The following PDIA5 variants were observed in gnomAD, a reference collection of about 807,000 sequenced individuals.
The protein encoded by PDIA5 is protein disulfide-isomerase A5.
Under a neutral mutation model 77.6 loss-of-function variants are expected in PDIA5, and 58 were observed. That is an observed-to-expected ratio of 0.75 (90% CI 0.61 to 0.93). The LOEUF (loss-of-function observed/expected upper bound fraction) is 0.93, where lower values mean the gene tolerates loss of function less well. PDIA5 is among the 40% of genes least tolerant of loss of function. The pLI, the probability that PDIA5 is intolerant of heterozygous loss-of-function variation, is 0.00. For synonymous variants in PDIA5, 250 were observed against 252.1 expected (o/e 0.99, Z 0.08); for missense variants, 630 against 647.7 (o/e 0.97, Z 0.30).
chr3:123,084,683 T>G (rs1934089652), intron 1 of PDIA5, among the ~76,000 whole-genome samples: 1 of 152,236 alleles, frequency 6.6e-6, no homozygotes, highest in South Asian at 2.1e-4. Flanking sequence ...CTTCCACCTT[T>G]GGCTGTTGTT....
chr3:123,161,264 G>C, intron 15 of PDIA5, 57 bp from the exon 16 acceptor site: 2 of 1,561,158 alleles, frequency 1.3e-6, no homozygotes, highest in South Asian at 1.2e-5. Context: ...TGTGTTGTGG[G>C]GTCCAGGCCT....
At chr3:123,146,331 G>A (rs1935772740) in intron 13 of PDIA5, 72 bp downstream of exon 13, 1 of 1,296,822 alleles carries the variant, frequency 7.7e-7, no homozygotes, top group Middle Eastern at 1.9e-4. Context: ...TTGAGGAGGT[G>A]AAGTAAACTT....
intron 8 of PDIA5, among the ~76,000 whole-genome samples, chr3:123,123,055 G>A (rs549238065): frequency 6.6e-6 from 1 of 152,252 alleles, no homozygotes; most frequent in South Asian, 2.1e-4. Flanking sequence ...TGGGAGGATC[G>A]CTTGAGCCCA....
intron 6 of PDIA5, 132 bp downstream of exon 6, chr3:123,106,973 C>T (rs1171098997): frequency 1.5e-6 from 1 of 679,816 alleles, no homozygotes; most frequent in African/African-American, 1.8e-5. Context: ...TCTAGGGAAG[C>T]TAGGCCAGGA....
At chr3:123,093,757 G>T (rs955977403) in intron 3 of PDIA5, among the ~76,000 whole-genome samples, 3 of 152,196 alleles carry the variant, frequency 2.0e-5, no homozygotes, top group Non-Finnish European at 4.4e-5. Context: ...CAGACTATAT[G>T]CATGGAGGGA....
At chr3:123,134,235 G>T (rs1178076624) in intron 11 of PDIA5, among the ~76,000 whole-genome samples, 3 of 152,116 alleles carry the variant, frequency 2.0e-5, no homozygotes, top group Non-Finnish European at 2.9e-5. Context: ...TGTTGCCCAG[G>T]CTGGTCTGCT....
chr3:123,146,179 G>C lies in PDIA5; in HGVS notation c.1062G>C (p.Thr354=). 1 of 1,614,002 alleles carries C rather than the reference G, an allele frequency of 6.2e-7. No individual in the cohort carries two copies. Among genetic ancestry groups the C allele is most frequent in the South Asian group, 1.1e-5 (1 of 91,076 alleles). ...AERFHISEFP[T]LKYFKNGEKY... Reference sequence around the variant, plus strand: ...GATTCCACATCTCAGAGTTTCCTACGTTGAAGTATTTTAAGAATGGAGAGA... The same window carrying C: ...GATTCCACATCTCAGAGTTTCCTACCTTGAAGTATTTTAAGAATGGAGAGA... Residue 354 remains threonine (T), a synonymous_variant, in exon 13 of 17, where the codon ACG becomes ACC. Coordinates refer to ENST00000316218, the MANE Select transcript of PDIA5 (RefSeq NM_006810.4).
At chr3:123,104,525 A>T (rs1660184009) in intron 5 of PDIA5, among the ~76,000 whole-genome samples, 1 of 152,212 alleles carries the variant, frequency 6.6e-6, no homozygotes. Context: ...GTCAACCCGC[A>T]TGGTTGGGCA....
rs574867840 is a variant in PDIA5, at chr3:123,110,976, G to A, written c.513G>A (p.Lys171=). 1 of 1,613,946 alleles carries A rather than the reference G, an allele frequency of 6.2e-7. No homozygotes were observed. Among genetic ancestry groups the A allele is most frequent in the South Asian group, 1.1e-5 (1 of 91,060 alleles). ...DFRRLLKKEE[K]PLLIMFYAPW... is the part of the protein sequence containing the mutation. ...GACGGCTCCTGAAGAAGGAAGAGAA[G>A]CCGCTCCTGATCATGTTTTATGCCC... The change falls in exon 7 of 17, where the codon AAG becomes AAA. Residue 171 remains lysine, a synonymous_variant. Transcript: ENST00000316218.
At chr3:123,126,216 A>C (rs1935243092) in intron 10 of PDIA5, among the ~76,000 whole-genome samples, 9 of 148,974 alleles carry the variant, frequency 6.0e-5, no homozygotes, top group Admixed American at 2.7e-4. Flanking sequence ...CCATCCTCCC[A>C]CCCCTCTCCT....
At position 123,130,573 on chromosome 3, in the gene PDIA5, T is replaced by C. The variant is rs138080050; in HGVS notation, c.867T>C (p.Phe289=). ...YHLTDEDFDQ[F]VKEHSSVLVM... is the part of the protein sequence containing the mutation. Reference sequence around the variant, plus strand: ...TGACCGATGAAGACTTTGACCAGTTTGTGAAGGAACACTCCTCTGTCCTCG... The same window carrying C: ...TGACCGATGAAGACTTTGACCAGTTCGTGAAGGAACACTCCTCTGTCCTCG... The change falls in exon 11 of 17, where the codon TTT becomes TTC. Residue 289 remains phenylalanine, a synonymous_variant. Coordinates refer to ENST00000316218, the MANE Select transcript of PDIA5 (RefSeq NM_006810.4). 30 of 1,614,178 alleles carry C rather than the reference T, an allele frequency of 1.9e-5. No homozygotes were observed. The highest frequency in any genetic ancestry group is 2.3e-5 in the Non-Finnish European group (27 of 1,180,014).
intron 11 of PDIA5, among the ~76,000 whole-genome samples, chr3:123,140,602 A>G (rs1935605276): frequency 6.6e-6 from 1 of 152,176 alleles, no homozygotes; most frequent in South Asian, 2.1e-4. Context: ...TTGCCTATCC[A>G]TCAGAGCAGG....
chr3:123,119,667 A>G (rs1056894376), intron 8 of PDIA5, among the ~76,000 whole-genome samples: 5 of 152,174 alleles, frequency 3.3e-5, no homozygotes, highest in African/African-American at 1.2e-4. Context: ...GAGTGACCAC[A>G]GGTGTCAATT....
chr3:123,083,120 C>T (rs1447101410), intron 1 of PDIA5, among the ~76,000 whole-genome samples: 1 of 151,446 alleles, frequency 6.6e-6, no homozygotes, highest in Non-Finnish European at 1.5e-5. Flanking sequence ...CAGTGAGGAC[C>T]TCCGTGCCTG....
intron 3 of PDIA5, 92 bp from the exon 4 acceptor site, chr3:123,102,319 G>T: frequency 1.1e-6 from 1 of 919,876 alleles, no homozygotes; most frequent in Admixed American, 1.8e-5. Flanking sequence ...CAAGTTACCT[G>T]ACTTATTTCT....
chr3:123,146,556 A>C (rs1445889492), intron 13 of PDIA5, among the ~76,000 whole-genome samples: 1 of 151,580 alleles, frequency 6.6e-6, no homozygotes, highest in Non-Finnish European at 1.5e-5. Context: ...ATTTTATTCC[A>C]CTCCCTTTGA....
chr3:123,067,339 C>T, intron 1 of PDIA5, 133 bp downstream of exon 1: 1 of 790,116 alleles, frequency 1.3e-6, no homozygotes, highest in Non-Finnish European at 1.7e-6. Flanking sequence ...GCGTGCATGC[C>T]AGGCAGGCGG....
chr3:123,084,531 G>A (rs991517718), intron 1 of PDIA5, among the ~76,000 whole-genome samples: 23 of 151,964 alleles, frequency 1.5e-4, no homozygotes, highest in African/African-American at 5.6e-4. Context: ...GGTCCGTGGG[G>A]ACTTCATTTA....
intron 8 of PDIA5, 144 bp from the exon 9 acceptor site, chr3:123,123,922 T>C: frequency 1.6e-6 from 1 of 630,838 alleles, no homozygotes; most frequent in Non-Finnish European, 2.8e-6. Context: ...TGGCCTTGTT[T>C]CTCAGCAGCC....
Sources: gnomAD v4.1 joint callset for allele counts (sites outside exome capture counted in the v4.1 genomes callset) on GRCh38, gnomAD v4.1.1 for gene constraint, MANE v1.5 for transcripts, NCBI Gene and HGNC (gene_info 2026-07-23, HGNC 2026-07-21) for gene names.